TIMP2: variants seen among roughly 807,000 people sequenced by gnomAD.
The protein encoded by TIMP2 is metalloproteinase inhibitor 2.
In TIMP2, 5 loss-of-function variants were observed where a neutral mutation model predicts 24.3. That is an observed-to-expected ratio of 0.21 (90% confidence interval 0.11 to 0.43). The LOEUF is 0.43. TIMP2 is among the 20% of genes least tolerant of loss of function. The pLI, the probability that TIMP2 is intolerant of heterozygous loss-of-function variation, is 1.00. For missense variants in TIMP2, 221 were observed against 297.5 expected (o/e 0.74, Z 1.89); for synonymous variants, 130 against 123.2 (o/e 1.06, Z -0.37).
At chr17:78,871,943 G>T (rs1238423114) in intron 2 of TIMP2, among the ~76,000 whole-genome samples, 1 of 151,918 alleles carries the variant, frequency 6.6e-6, no homozygotes, top group East Asian at 1.9e-4. Flanking sequence ...TGAATCTATG[G>T]GGAGGGGCTT....
intron 1 of TIMP2, among the ~76,000 whole-genome samples, chr17:78,874,609 G>C (rs566326554): frequency 6.6e-6 from 1 of 152,200 alleles, no homozygotes; most frequent in South Asian, 2.1e-4. Context: ...ATGGAGTCTC[G>C]CGCTGTTGCC....
chr17:78,898,040 C>G (rs1599166700), intron 1 of TIMP2: 1 of 152,226 alleles, frequency 6.6e-6, no homozygotes, highest in Non-Finnish European at 1.5e-5. Flanking sequence ...TCCTTGATTT[C>G]CCCTCTGAGC....
In TIMP2 at chr17:78,876,342, A is replaced by C. The variant is rs570709239; in HGVS notation, c.131-2423T>G. Reference sequence around the variant, plus strand: ...CAGGTGCATCCACACCTCTGAACAGACAAGTTTCTTTCTTTCTTTTTTTTT... The same window carrying C: ...CAGGTGCATCCACACCTCTGAACAGCCAAGTTTCTTTCTTTCTTTTTTTTT... On this transcript the variant is annotated intron_variant, in intron 1 of 4. Coordinates refer to ENST00000262768, the MANE Select transcript of TIMP2 (RefSeq NM_003255.5). Among the ~76,000 whole-genome samples, 9 of 151,864 alleles carry C rather than the reference A, an allele frequency of 5.9e-5. 1 individual carries two copies. The highest frequency in any genetic ancestry group is 1.4e-4 in the African/African-American group (6 of 41,434).
chr17:78,884,846 C>T (rs1293897719), intron 1 of TIMP2, among the ~76,000 whole-genome samples: 1 of 152,236 alleles, frequency 6.6e-6, no homozygotes, highest in Non-Finnish European at 1.5e-5. Flanking sequence ...ACTCTAAAAA[C>T]CCTATTTCCT....
intron 1 of TIMP2, chr17:78,898,713 G>A (rs1380085607): frequency 6.6e-6 from 1 of 152,410 alleles, no homozygotes; most frequent in African/African-American, 2.4e-5. Context: ...TCTGGGTGGG[G>A]CCCAAGACTC....
Position 78,855,105 on chromosome 17 carries a change from C to A in TIMP2, c.*562G>T. ...AACTAGCCACTGGTTCCAGGCTGCC[C>A]TTGGATGTGGGGGGAGTCAGGTGCT... is the stretch of plus-strand genomic sequence containing the variant. On this transcript the variant is annotated 3_prime_UTR_variant, in exon 5 of 5. Coordinates refer to ENST00000262768, the MANE Select transcript of TIMP2 (RefSeq NM_003255.5). This position sits in a 1 kb window ranked among gnomAD's most constrained non-coding sequence, Gnocchi z 6.0. 1 of 158,952 alleles carries A rather than the reference C, an allele frequency of 6.3e-6. No individual in the cohort carries two copies. The highest frequency in any genetic ancestry group is 1.4e-5 in the Non-Finnish European group (1 of 71,424). The allele number at this position is 158,952 out of a possible 1,614,324, so 9.8% of individuals were successfully genotyped here.
At chr17:78,914,048 G>A (rs1165559158) in intron 1 of TIMP2, among the ~76,000 whole-genome samples, 1 of 152,134 alleles carries the variant, frequency 6.6e-6, no homozygotes, top group African/African-American at 2.4e-5. Flanking sequence ...GAGAGACAGA[G>A]AAGTTTTCTT....
intron 3 of TIMP2, among the ~76,000 whole-genome samples, chr17:78,866,012 C>G (rs1405886724): frequency 6.6e-6 from 1 of 152,052 alleles, no homozygotes; most frequent in African/African-American, 2.4e-5. Flanking sequence ...TAGGAACAAA[C>G]AGGATGCAGA....
chr17:78,887,595 G>A (rs1353123687), intron 1 of TIMP2, among the ~76,000 whole-genome samples: 4 of 152,126 alleles, frequency 2.6e-5, no homozygotes, highest in Non-Finnish European at 5.9e-5. Context: ...CTGTTGGCCA[G>A]GCTGGCCTCG....
chr17:78,874,318 A>G, intron 1 of TIMP2, among the ~76,000 whole-genome samples: 1 of 151,692 alleles, frequency 6.6e-6, no homozygotes, highest in East Asian at 1.9e-4. Context: ...GTGGGTACTC[A>G]CTGGTGGCTG....
At position 78,924,833 on chromosome 17, in the gene TIMP2, G is replaced by T; in HGVS notation, c.130+126C>A. 4.2e-6 allele frequency: 2 copies of T among 480,004 alleles called. No individual in the cohort carries two copies. The highest frequency in any genetic ancestry group is 6.0e-6 in the Non-Finnish European group (2 of 330,788). The allele number at this position is 480,004 out of a possible 1,614,324, so 29.7% of individuals were successfully genotyped here. A position where few individuals can be genotyped will look rare whatever the true frequency, so the allele number is the denominator to read the frequency against. ...GTCCACTTGCAGGATTCGAGAAGGCGCCGAGGGACCAGGAGGCGGGCGCTG... is the reference window on the plus strand; with the variant it reads ...GTCCACTTGCAGGATTCGAGAAGGCTCCGAGGGACCAGGAGGCGGGCGCTG... On this transcript the variant is annotated intron_variant, in intron 1 of 4. Coordinates refer to ENST00000262768, the MANE Select transcript of TIMP2 (RefSeq NM_003255.5). This position sits in a 1 kb window ranked among gnomAD's most constrained non-coding sequence, Gnocchi z 5.3.
At chr17:78,918,581 T>A (rs1599178952) in intron 1 of TIMP2, among the ~76,000 whole-genome samples, 1 of 152,152 alleles carries the variant, frequency 6.6e-6, no homozygotes, top group African/African-American at 2.4e-5. Flanking sequence ...TCAGGGCAGC[T>A]CATCTGCCTG....
chr17:78,867,739 G>A (rs962059475), intron 3 of TIMP2, among the ~76,000 whole-genome samples: 1 of 151,664 alleles, frequency 6.6e-6, no homozygotes, highest in Non-Finnish European at 1.5e-5. Context: ...GGGACTACAG[G>A]CGCCCGCCAC....
intron 1 of TIMP2, among the ~76,000 whole-genome samples, chr17:78,885,324 G>A (rs2069816184): frequency 6.6e-6 from 1 of 152,254 alleles, no homozygotes; most frequent in African/African-American, 2.4e-5. Flanking sequence ...TCTAGAAGGT[G>A]CAAAGTGTTC....
At chr17:78,871,116 C>T in intron 2 of TIMP2, 110 bp from the exon 3 acceptor site, 1 of 801,070 alleles carries the variant, frequency 1.2e-6, no homozygotes, top group Non-Finnish European at 2.0e-6. Context: ...GGGGTACAGC[C>T]AGCACCCAAG....
At chr17:78,888,422 C>G (rs190041118) in intron 1 of TIMP2, among the ~76,000 whole-genome samples, 176 of 151,958 alleles carry the variant, frequency 1.2e-3, no homozygotes, top group Non-Finnish European at 2.0e-3. Context: ...GGCCTCCCAA[C>G]GTGCTGGGAT....
rs9916420 is a variant in TIMP2 at position 78,911,021 on chromosome 17, T to C, written c.130+13938A>G. Among the ~76,000 whole-genome samples, 290 of 152,262 alleles carry C rather than the reference T, an allele frequency of 1.9e-3. 3 individuals carry two copies. Among genetic ancestry groups the C allele is most frequent in the African/African-American group, 6.6e-3 (275 of 41,562 alleles). On this transcript the variant is annotated intron_variant, in intron 1 of 4. Transcript: ENST00000262768. Reference sequence around the variant, plus strand: ...GATCATATGGCCGTTCTATTTGTAGTTTTTTGAGGAACCTCCACCATAGTG... The same window carrying C: ...GATCATATGGCCGTTCTATTTGTAGCTTTTTGAGGAACCTCCACCATAGTG...
rs1327621382 is a variant in TIMP2, at chr17:78,855,539, A to G, written c.*128T>C. 1.8e-6 allele frequency: 2 copies of G among 1,096,368 alleles called. No homozygotes were observed. Among genetic ancestry groups the G allele is most frequent in the Admixed American group, 2.4e-5 (1 of 42,092 alleles). 67.9% of individuals were successfully genotyped at this position (1,096,368 alleles called of 1,614,324 possible). Reference sequence around the variant, plus strand: ...AAAAGGAGAAGGGGGGAGCAGAATCATATTAATTTGGACCCATGGGATGAG... The same window carrying G: ...AAAAGGAGAAGGGGGGAGCAGAATCGTATTAATTTGGACCCATGGGATGAG... On this transcript the variant is annotated 3_prime_UTR_variant, in exon 5 of 5. Transcript: ENST00000262768. The surrounding 1 kb of genome is among the most constrained non-coding windows in gnomAD (Gnocchi z 6.0).
chr17:78,871,856 A>G (rs1329891095), intron 2 of TIMP2, among the ~76,000 whole-genome samples: 2 of 151,650 alleles, frequency 1.3e-5, no homozygotes, highest in East Asian at 3.9e-4. Context: ...AAAAAAAAAA[A>G]AAGACTGTCA....
Sources: gnomAD v4.1 joint callset for allele counts (sites outside exome capture counted in the v4.1 genomes callset) on GRCh38, gnomAD v4.1.1 for gene constraint, Gnocchi (gnomAD v3.1) non-coding constraint, MANE v1.5 for transcripts, NCBI Gene and HGNC (gene_info 2026-07-23, HGNC 2026-07-21) for gene names.